The following LDAH variants were observed in gnomAD, a reference collection of about 807,000 sequenced individuals.
LDAH encodes the protein lipid droplet-associated hydrolase.
LDAH carries 26 observed loss-of-function variants against 29.6 expected under a neutral mutation model. The observed-to-expected ratio is 0.88, with a 90% CI of 0.64 to 1.22. The LOEUF (loss-of-function observed/expected upper bound fraction) is 1.22. Ranked by LOEUF, LDAH falls within the 50% of genes most tolerant of loss-of-function variation. The pLI is 0.00. For synonymous variants in LDAH, 117 were observed against 133.0 expected, an observed-to-expected ratio of 0.88 and a Z score of 0.83; for missense variants, 344 against 387.3, an observed-to-expected ratio of 0.89 and a Z score of 0.94.
intron 4 of LDAH, among the ~76,000 whole-genome samples, chr2:20,767,915 A>G (rs1241815908): frequency 6.6e-6 from 1 of 152,070 alleles, no homozygotes; most frequent in Non-Finnish European, 1.5e-5. Flanking sequence ...CTGCACAGAG[A>G]AGCCACCTAC....
intron 1 of LDAH, among the ~76,000 whole-genome samples, chr2:20,803,809 G>A (rs1671881767): frequency 6.6e-6 from 1 of 152,060 alleles, no homozygotes; most frequent in African/African-American, 2.4e-5. Context: ...GGTAACTTTT[G>A]GAGTTCTCCT....
At chr2:20,760,079 T>C (rs911810687) in intron 4 of LDAH, among the ~76,000 whole-genome samples, 3 of 152,168 alleles carry the variant, frequency 2.0e-5, no homozygotes, top group African/African-American at 4.8e-5. Context: ...TCAAAAGACA[T>C]GCTTATCAAC....
In LDAH at chr2:20,701,494, C is replaced by T; in HGVS notation, c.786+76G>A. Reference sequence around the variant, plus strand: ...ACCCTTAAAGTCTTACAGATTCTAACTAGTTCTAGTCCTTTGCCCTCGTAT... The same window carrying T: ...ACCCTTAAAGTCTTACAGATTCTAATTAGTTCTAGTCCTTTGCCCTCGTAT... On this transcript the variant is annotated intron_variant, in intron 6 of 6. Transcript: ENST00000237822. 5 of 1,163,028 alleles carry T rather than the reference C, an allele frequency of 4.3e-6. No homozygotes were observed. The South Asian group carries it at 6.3e-5, about 15-fold the overall frequency. 72.0% of individuals were successfully genotyped at this position (1,163,028 alleles called of 1,614,324 possible).
chr2:20,790,355 A>T lies in LDAH; in HGVS notation c.198T>A (p.Ala66=). Residue 66 remains alanine, a synonymous_variant, in exon 3 of 7, where the codon GCT becomes GCA. Coordinates refer to ENST00000237822, the MANE Select transcript of LDAH (RefSeq NM_021925.4). Reference sequence around the variant, plus strand: ...AGCGTCTGTTTGTCAAAGAGTATAAAGCCTTTGCAAATGGCACATAAAAGG... The same window carrying T: ...AGCGTCTGTTTGTCAAAGAGTATAATGCCTTTGCAAATGGCACATAAAAGG... ...FSAFYVPFAK[A]LYSLTNRRFP... The T allele has an allele frequency of 6.2e-7, 1 of 1,614,152 alleles. No individual in the cohort carries two copies. Among genetic ancestry groups the T allele is most frequent in the Non-Finnish European group, 8.5e-7 (1 of 1,179,990 alleles).
chr2:20,692,514 G>A (rs187663653), intron 6 of LDAH, among the ~76,000 whole-genome samples: 2 of 152,296 alleles, frequency 1.3e-5, no homozygotes, highest in African/African-American at 4.8e-5. Flanking sequence ...TGAATTATCT[G>A]TCTATTCAAT....
chr2:20,795,372 C>T (rs2125087870), intron 2 of LDAH, among the ~76,000 whole-genome samples: 1 of 152,264 alleles, frequency 6.6e-6, no homozygotes, highest in South Asian at 2.1e-4. Context: ...GTAGACAGAC[C>T]TATTGGACTC....
rs184031003 is a variant in LDAH, at chr2:20,684,157, C to T, written c.*2746G>A. 54 of 152,312 alleles carry T rather than the reference C, an allele frequency of 3.5e-4. No individual in the cohort carries two copies. Among genetic ancestry groups the T allele is most frequent in the Middle Eastern group, 3.4e-3 (1 of 294 alleles). The allele number at this position is 152,312 out of a possible 1,614,324, so 9.4% of individuals were successfully genotyped here. A position where few individuals can be genotyped will look rare whatever the true frequency, so the allele number is the denominator to read the frequency against. On this transcript the variant is annotated 3_prime_UTR_variant, in exon 7 of 7. Transcript: ENST00000237822. ...AGTAAACAGACATGATGCCCCTCAC[C>T]CCCAGATACCTCAGTGTCTCCAGTA...
intron 3 of LDAH, among the ~76,000 whole-genome samples, chr2:20,782,365 G>C (rs951590536): frequency 6.6e-6 from 1 of 152,160 alleles, no homozygotes; most frequent in Non-Finnish European, 1.5e-5. Context: ...TCTGTCTATA[G>C]TATGACTTAA....
chr2:20,722,336 C>T (rs549422969), intron 5 of LDAH, among the ~76,000 whole-genome samples: 2 of 143,778 alleles, frequency 1.4e-5, no homozygotes, highest in Non-Finnish European at 3.0e-5. Context: ...GCCGAGATTG[C>T]GCCACTGTAC....
chr2:20,707,623 C>G (rs1166222261), intron 5 of LDAH, among the ~76,000 whole-genome samples: 1 of 152,148 alleles, frequency 6.6e-6, no homozygotes, highest in African/African-American at 2.4e-5. Context: ...TGAATTTCAG[C>G]TAGGTGCAGA....
At chr2:20,820,778 A>G (rs914099244) in intron 1 of LDAH, among the ~76,000 whole-genome samples, 1 of 139,216 alleles carries the variant, frequency 7.2e-6, no homozygotes, top group Non-Finnish European at 1.5e-5. Context: ...ATCTAATTTA[A>G]CTAAAGAGCT....
chr2:20,683,301 A>T (rs11675422), downstream of LDAH, among the ~76,000 whole-genome samples: 63,416 of 152,064 alleles, frequency 0.42, 13,781 homozygotes, highest in Middle Eastern at 0.49. Flanking sequence ...TGATTAGAAG[A>T]ACACTCATAT....
intron 6 of LDAH, among the ~76,000 whole-genome samples, chr2:20,691,073 G>T (rs560393850): frequency 1.3e-5 from 2 of 152,090 alleles, no homozygotes; most frequent in African/African-American, 4.8e-5. Context: ...AAATAGACCC[G>T]TTATAAAAAC....
chr2:20,759,920 C>T (rs1218341020), intron 4 of LDAH, among the ~76,000 whole-genome samples: 2 of 152,198 alleles, frequency 1.3e-5, no homozygotes, highest in Non-Finnish European at 2.9e-5. Context: ...CTCTCAATAT[C>T]CTACCACTAT....
At chr2:20,744,757 T>C (rs990876521) in intron 4 of LDAH, among the ~76,000 whole-genome samples, 1 of 152,222 alleles carries the variant, frequency 6.6e-6, no homozygotes, top group African/African-American at 2.4e-5. Context: ...TAGGTAAGTC[T>C]AACAAAATTG....
intron 5 of LDAH, among the ~76,000 whole-genome samples, chr2:20,708,806 A>G (rs1396133196): frequency 1.3e-5 from 2 of 152,206 alleles, no homozygotes; most frequent in Non-Finnish European, 2.9e-5. Context: ...AGCACAAGTG[A>G]CAAAAATAAA....
At position 20,778,227 on chromosome 2, in the gene LDAH, T is replaced by A; in HGVS notation, c.299-3248A>T. 1.3e-5 allele frequency among the ~76,000 whole-genome samples: 2 copies of A among 152,190 alleles called. 1 individual carries two copies. The highest frequency in any genetic ancestry group is 3.9e-4 in the East Asian group (2 of 5,194). ...TGTAACCCCAGCCCCAATATCATAT[T>A]GACAATTTTCTCTTAGAACCTGAGC... On this transcript the variant is annotated intron_variant, in intron 3 of 6. Transcript: ENST00000237822.
chr2:20,705,686 T>C (rs1307266869), intron 5 of LDAH, among the ~76,000 whole-genome samples: 7 of 152,286 alleles, frequency 4.6e-5, no homozygotes, highest in African/African-American at 1.4e-4. Flanking sequence ...AAAGAATAAA[T>C]GATCAAAGAC....
chr2:20,710,903 T>C (rs970852396), intron 5 of LDAH, among the ~76,000 whole-genome samples: 1 of 151,942 alleles, frequency 6.6e-6, no homozygotes, highest in Non-Finnish European at 1.5e-5. Flanking sequence ...TGATAGGTCA[T>C]GTTATCTGGC....
Sources: gnomAD v4.1 joint callset for allele counts (sites outside exome capture counted in the v4.1 genomes callset) on GRCh38, gnomAD v4.1.1 for gene constraint, MANE v1.5 for transcripts, NCBI Gene and HGNC (gene_info 2026-07-23, HGNC 2026-07-21) for gene names.